DOCK8: variants seen among roughly 807,000 people sequenced by gnomAD.
The protein encoded by DOCK8 is dedicator of cytokinesis 8.
DOCK8 carries 141 observed loss-of-function variants against 245.6 expected under a neutral mutation model. That is an observed-to-expected ratio of 0.57 (90% CI 0.50 to 0.66). The LOEUF (loss-of-function observed/expected upper bound fraction) is 0.66. Among genes scored for constraint, DOCK8 ranks in the 30% least tolerant of loss-of-function variants. The pLI, the probability that DOCK8 is intolerant of heterozygous loss-of-function variation, is 0.00. For synonymous variants in DOCK8, 1,168 were observed against 970.2 expected, an observed-to-expected ratio of 1.20 and a Z score of -3.79; for missense variants, 2,965 against 2,603.4, an observed-to-expected ratio of 1.14 and a Z score of -3.02.
intron 14 of DOCK8, among the ~76,000 whole-genome samples, chr9:346,922 G>A (rs1331243743): frequency 6.6e-6 from 1 of 152,104 alleles, no homozygotes; most frequent in African/African-American, 2.4e-5. Context: ...GCAGGACATG[G>A]GGAGTATCCT....
Position 340,224 on chromosome 9 carries a change from C to G in DOCK8, c.1582C>G (p.Leu528Val). ...CAATTGCTGTCTGACTCCTGAAATG[C>G]TGCCCGTGAAACCCTTTCCTGAAAA... ...IINCCLTPEM[L>V]PVKPFPENRT... The change falls in exon 14 of 48, where the codon CTG becomes GTG. Residue 528 changes from leucine to valine, a missense_variant. Physicochemically the swap from Leu to Val is conservative, Grantham distance 32. Around this residue, in one of 3 missense-constraint regions of DOCK8, gnomAD observed 2,825 missense variants for 2,453.5 expected, o/e 1.15. Coordinates refer to ENST00000432829, the MANE Select transcript of DOCK8 (RefSeq NM_203447.4). 6.2e-7 allele frequency: 1 copy of G among 1,614,158 alleles called. No homozygotes were observed. The highest frequency in any genetic ancestry group is 8.5e-7 in the Non-Finnish European group (1 of 1,180,016).
At chr9:255,809 A>C (rs2047759223) in intron 1 of DOCK8, among the ~76,000 whole-genome samples, 1 of 152,066 alleles carries the variant, frequency 6.6e-6, no homozygotes, top group Non-Finnish European at 1.5e-5. Context: ...TATATTTTAT[A>C]CAACAAACAT....
chr9:463,438 CGTAA>C (rs2057868128), intron 46 of DOCK8, 75 bp from the exon 47 acceptor site: 3 of 1,559,860 alleles, frequency 1.9e-6, no homozygotes, highest in East Asian at 4.5e-5. Flanking sequence ...TTCGAAAAAT[CGTAA>C]GTAATTTCAT....
intron 24 of DOCK8, 149 bp from the exon 25 acceptor site, chr9:396,636 T>C (rs1369809368): frequency 1.8e-6 from 2 of 1,085,030 alleles, no homozygotes; most frequent in Non-Finnish European, 2.7e-6. Context: ...AGCATTTTAG[T>C]CCAGAGCTTG....
At position 455,671 on chromosome 9, in the gene DOCK8, A is replaced by G. The variant is rs985703733; in HGVS notation, c.6068+3554A>G. Among the ~76,000 whole-genome samples, 7 of 151,544 alleles carry G rather than the reference A, an allele frequency of 4.6e-5. No homozygotes were observed. In the East Asian group the frequency reaches 1.2e-3, roughly 25 times the overall value. On this transcript the variant is annotated intron_variant, in intron 46 of 47. Transcript: ENST00000432829. ...GATTGCTTAATTTCCTCCCTTTCACATTTCTCCCTATTACCTCTCCCTCCT... is the reference window on the plus strand; with the variant it reads ...GATTGCTTAATTTCCTCCCTTTCACGTTTCTCCCTATTACCTCTCCCTCCT...
intron 1 of DOCK8, among the ~76,000 whole-genome samples, chr9:234,875 C>A (rs1265246303): frequency 6.6e-6 from 1 of 152,106 alleles, no homozygotes; most frequent in African/African-American, 2.4e-5. Context: ...GTTTGATCGT[C>A]TGAAGCCTTC....
At chr9:428,135 C>G (rs1391725600) in intron 34 of DOCK8, among the ~76,000 whole-genome samples, 2 of 152,102 alleles carry the variant, frequency 1.3e-5, no homozygotes, top group African/African-American at 4.8e-5. Context: ...ATTTAGGAAC[C>G]CAGAATTAGG....
chr9:307,558 A>G (rs979077738), intron 5 of DOCK8, among the ~76,000 whole-genome samples: 1 of 151,820 alleles, frequency 6.6e-6, no homozygotes, highest in African/African-American at 2.4e-5. Context: ...GGGTTTCTCC[A>G]TGTTGGTCAG....
At chr9:377,379 C>G (rs2053563044) in intron 20 of DOCK8, among the ~76,000 whole-genome samples, 168 bp downstream of exon 20, 1 of 151,808 alleles carries the variant, frequency 6.6e-6, no homozygotes, top group Non-Finnish European at 1.5e-5. Flanking sequence ...TTGAGACTCT[C>G]TGCATGTTGG....
intron 14 of DOCK8, among the ~76,000 whole-genome samples, chr9:355,285 C>G (rs1390091349): frequency 1.3e-5 from 2 of 150,006 alleles, no homozygotes; most frequent in African/African-American, 2.5e-5. Flanking sequence ...CTCACTGCAA[C>G]CTCCGCCTTC....
At chr9:215,682 T>C in intron 1 of DOCK8, 1 of 359,372 alleles carries the variant, frequency 2.8e-6, no homozygotes, top group Non-Finnish European at 5.1e-6. Flanking sequence ...TTTACAGAAC[T>C]CCAGCAAAAA....
intron 26 of DOCK8, among the ~76,000 whole-genome samples, chr9:402,819 C>A (rs2055174866): frequency 2.0e-5 from 3 of 152,128 alleles, no homozygotes; most frequent in Admixed American, 1.3e-4. Context: ...GGGTCTTGAC[C>A]TTTGGGAAGG....
intron 8 of DOCK8, among the ~76,000 whole-genome samples, chr9:327,747 C>CT (rs1274282315): frequency 1.3e-5 from 2 of 152,138 alleles, no homozygotes; most frequent in African/African-American, 4.8e-5. Flanking sequence ...TCCTCCTCTT[C>CT]TGTAGTGAAG....
At chr9:231,195 A>C (rs1355184755) in intron 1 of DOCK8, among the ~76,000 whole-genome samples, 1 of 152,156 alleles carries the variant, frequency 6.6e-6, no homozygotes, top group Non-Finnish European at 1.5e-5. Context: ...CAGGTTTGTC[A>C]AGGATCAGAT....
In DOCK8 at chr9:441,816, ACTCAGTGGCTC is replaced by A. The variant is rs201650477; in HGVS notation, c.5356-53_5356-43del. On this transcript the variant is annotated intron_variant, in intron 41 of 47. Coordinates refer to ENST00000432829, the MANE Select transcript of DOCK8 (RefSeq NM_203447.4). ...CAATGAGAGACCCCTGCCCTTTGCA[ACTCAGTGGCTC>A]CTCAGGATGACATAACTAAGGAGAG... is the stretch of plus-strand genomic sequence containing the variant. 72,152 of 1,609,426 alleles carry A rather than the reference ACTCAGTGGCTC, an allele frequency of 0.045. 1,868 individuals carry two copies. Among genetic ancestry groups the A allele is most frequent in the Middle Eastern group, 0.061 (363 of 5,938 alleles).
chr9:347,083 AGGTGGTCTGGGAT>A (rs1280838993), intron 14 of DOCK8, among the ~76,000 whole-genome samples: 1 of 152,128 alleles, frequency 6.6e-6, no homozygotes, highest in Non-Finnish European at 1.5e-5. Context: ...ACTCCCATTC[AGGTGGTCTGGGAT>A]GGGGCACTGG....
chr9:390,921 C>T lies in DOCK8; in HGVS notation c.2970+355C>T, dbSNP rs74334496. Among the ~76,000 whole-genome samples the T allele has an allele frequency of 4.5e-3, 680 of 152,278 alleles. 5 individuals are homozygous for T. The highest frequency in any genetic ancestry group is 0.016 in the African/African-American group (652 of 41,544). ...AGCCAATACTAAACAGAGAATGTCA[C>T]GCTCCTTTTAAAAACCGATCGATGA... On this transcript the variant is annotated intron_variant, in intron 24 of 47. Transcript: ENST00000432829.
intron 11 of DOCK8, 34 bp from the exon 12 acceptor site, chr9:336,548 G>C: frequency 3.1e-6 from 5 of 1,613,788 alleles, no homozygotes; most frequent in Middle Eastern, 3.3e-4. Flanking sequence ...GAACAGAAAG[G>C]CATACTTTGG....
chr9:398,810 G>A (rs1157043027), intron 25 of DOCK8, among the ~76,000 whole-genome samples: 14 of 149,152 alleles, frequency 9.4e-5, no homozygotes, highest in Admixed American at 5.3e-4. Flanking sequence ...AAAGAAAATA[G>A]TTACAAAAAA....
Sources: gnomAD v4.1 joint callset for allele counts (sites outside exome capture counted in the v4.1 genomes callset) on GRCh38, gnomAD v4.1.1 for gene constraint, gnomAD v4.1.1 regional missense constraint, MANE v1.5 for transcripts, NCBI Gene and HGNC (gene_info 2026-07-23, HGNC 2026-07-21) for gene names.